The following ZFPM2 variants were observed in gnomAD, a reference collection of about 807,000 sequenced individuals.
ZFPM2 encodes zinc finger protein, FOG family member 2, also known as zinc finger protein ZFPM2.
A neutral mutation model predicts 98.6 loss-of-function variants in ZFPM2; 20 were observed. The ratio of observed to expected loss-of-function variants is 0.20; its 90% CI spans 0.14 to 0.29. The LOEUF (loss-of-function observed/expected upper bound fraction) is 0.29, where lower values mean the gene tolerates loss of function less well. Among genes scored for constraint, ZFPM2 ranks in the 10% least tolerant of loss-of-function variants. ZFPM2 has a pLI of 1.00. For synonymous variants in ZFPM2, 518 were observed against 502.7 expected (o/e 1.03, Z -0.41); for missense variants, 1,310 against 1,388.6 (o/e 0.94, Z 0.90).
chr8:105,449,371 T>C (rs1052842343), intron 3 of ZFPM2, among the ~76,000 whole-genome samples: 1 of 152,048 alleles, frequency 6.6e-6, no homozygotes, highest in African/African-American at 2.4e-5. Context: ...TGAGCAGGTA[T>C]TGAAATTCTT....
At chr8:105,480,008 T>A (rs964926544) in intron 3 of ZFPM2, among the ~76,000 whole-genome samples, 3 of 152,238 alleles carry the variant, frequency 2.0e-5, no homozygotes, top group Non-Finnish European at 4.4e-5. Flanking sequence ...GAACTCCCCG[T>A]TGAGCATCAA....
At chr8:105,687,060 A>G (rs1810754568) in intron 5 of ZFPM2, among the ~76,000 whole-genome samples, 1 of 152,136 alleles carries the variant, frequency 6.6e-6, no homozygotes, top group African/African-American at 2.4e-5. Context: ...CATGGTGGTG[A>G]GAGTTACTAA....
intron 5 of ZFPM2, among the ~76,000 whole-genome samples, chr8:105,664,239 A>G (rs1392266357): frequency 6.6e-6 from 1 of 152,110 alleles, no homozygotes; most frequent in Non-Finnish European, 1.5e-5. Context: ...AGTTATGCAG[A>G]TCTTGCAAAT....
At chr8:105,627,245 C>A (rs1816675925) in intron 4 of ZFPM2, among the ~76,000 whole-genome samples, 1 of 152,142 alleles carries the variant, frequency 6.6e-6, no homozygotes. Flanking sequence ...CCTCTCTCAT[C>A]CACATTAGAT....
chr8:105,389,339 A>G (rs962306018), intron 1 of ZFPM2, among the ~76,000 whole-genome samples: 7 of 152,126 alleles, frequency 4.6e-5, no homozygotes, highest in African/African-American at 1.7e-4. Context: ...GGGACCAATG[A>G]CACAACTTCA....
At chr8:105,607,626 C>T (rs1414713938) in intron 4 of ZFPM2, among the ~76,000 whole-genome samples, 1 of 152,016 alleles carries the variant, frequency 6.6e-6, no homozygotes, top group Non-Finnish European at 1.5e-5. Flanking sequence ...CAGATGGCCT[C>T]CCCTTACCAT....
intron 6 of ZFPM2, chr8:105,798,093 T>C (rs369809404): frequency 8.5e-5 from 13 of 152,354 alleles, no homozygotes; most frequent in African/African-American, 2.6e-4. Flanking sequence ...CCTTACCTTT[T>C]AATCAATCAG....
chr8:105,349,238 G>A (rs143033565), intron 1 of ZFPM2, among the ~76,000 whole-genome samples: 32 of 152,256 alleles, frequency 2.1e-4, no homozygotes, highest in African/African-American at 7.2e-4. Flanking sequence ...TTTATCCACA[G>A]TTAGATCCAT....
intron 1 of ZFPM2, among the ~76,000 whole-genome samples, chr8:105,334,529 A>T (rs1812291689): frequency 1.3e-5 from 2 of 151,690 alleles, no homozygotes; most frequent in Non-Finnish European, 3.0e-5. Flanking sequence ...TACTCTCAGC[A>T]GCATAGGTCA....
intron 5 of ZFPM2, among the ~76,000 whole-genome samples, chr8:105,725,000 A>G (rs1282692557): frequency 1.3e-5 from 2 of 151,810 alleles, no homozygotes; most frequent in Non-Finnish European, 2.9e-5. Context: ...AGTCAACTGT[A>G]TATTCTTAAA....
At chr8:105,523,573 T>A (rs941647605) in intron 3 of ZFPM2, among the ~76,000 whole-genome samples, 2 of 152,202 alleles carry the variant, frequency 1.3e-5, no homozygotes, top group Admixed American at 1.3e-4. Flanking sequence ...CACAGCATCC[T>A]GAGCTTTGAA....
intron 1 of ZFPM2, among the ~76,000 whole-genome samples, chr8:105,404,604 A>G (rs1319949831): frequency 6.6e-6 from 1 of 152,086 alleles, no homozygotes; most frequent in African/African-American, 2.4e-5. Context: ...TAAATAGTCA[A>G]TTAACTCTAA....
intron 4 of ZFPM2, among the ~76,000 whole-genome samples, chr8:105,564,810 C>T (rs1344070198): frequency 2.0e-5 from 3 of 151,568 alleles, no homozygotes; most frequent in Non-Finnish European, 2.9e-5. Context: ...TTTTTTTCCC[C>T]GATGGGCAAA....
intron 1 of ZFPM2, among the ~76,000 whole-genome samples, chr8:105,381,861 C>G (rs955559247): frequency 6.6e-6 from 1 of 151,998 alleles, no homozygotes; most frequent in African/African-American, 2.4e-5. Flanking sequence ...TTTTCATAGA[C>G]TACTTTTGAA....
chr8:105,475,109 TTGG>T (rs1812986033), intron 3 of ZFPM2, among the ~76,000 whole-genome samples: 3 of 152,192 alleles, frequency 2.0e-5, no homozygotes, highest in African/African-American at 7.2e-5. Context: ...GAGTTTACAG[TTGG>T]TAACATATAA....
chr8:105,472,051 C>T (rs1022523077), intron 3 of ZFPM2, among the ~76,000 whole-genome samples: 1 of 152,136 alleles, frequency 6.6e-6, no homozygotes, highest in South Asian at 2.1e-4. Flanking sequence ...GCATGATGAT[C>T]TCTGAGAACC....
intron 5 of ZFPM2, among the ~76,000 whole-genome samples, chr8:105,759,112 G>A (rs1284200431): frequency 2.0e-5 from 3 of 152,030 alleles, no homozygotes; most frequent in Admixed American, 1.3e-4. Context: ...TTATTTGCAG[G>A]CTCTAAAACC....
chr8:105,657,227 C>G (rs1000985815), intron 5 of ZFPM2, among the ~76,000 whole-genome samples: 1 of 152,086 alleles, frequency 6.6e-6, no homozygotes, highest in Admixed American at 6.5e-5. Flanking sequence ...CAACCTCTGT[C>G]TCCTGGGTTC....
chr8:105,430,471 G>A (rs569383971), intron 2 of ZFPM2, among the ~76,000 whole-genome samples: 98 of 152,228 alleles, frequency 6.4e-4, no homozygotes, highest in African/African-American at 2.3e-3. Context: ...TATAGGATAA[G>A]TTACCCTTTG....
Sources: allele counts gnomAD v4.1 joint callset (sites outside exome capture counted in the v4.1 genomes callset), GRCh38; gene constraint gnomAD v4.1.1; transcripts MANE v1.5; gene names NCBI Gene and HGNC (gene_info 2026-07-23, HGNC 2026-07-21).